CLK3: variants seen among roughly 807,000 people sequenced by gnomAD.
CLK3 encodes dual specificity protein kinase CLK3.
CLK3 carries 24 observed loss-of-function variants against 65.2 expected under a neutral mutation model. That is an observed-to-expected ratio of 0.37 (90% CI 0.27 to 0.52). The LOEUF is 0.52. Among genes scored for constraint, CLK3 ranks in the 20% least tolerant of loss-of-function variants. The probability of loss-of-function intolerance (pLI) is 0.92; values close to 1 mark genes in which losing one functional copy is unlikely to be tolerated. For missense variants in CLK3, 506 were observed against 660.0 expected (o/e 0.77, Z 2.56); for synonymous variants, 252 against 240.8 (o/e 1.05, Z -0.43).
chr15:74,623,633 G>T (rs1021719781), intron 5 of CLK3: 3 of 152,264 alleles, frequency 2.0e-5, no homozygotes, highest in African/African-American at 7.2e-5. Flanking sequence ...ACCACACCGT[G>T]GCCAGGTGGA....
At chr15:74,620,358 G>T in intron 3 of CLK3, 133 bp downstream of exon 3, 1 of 1,247,152 alleles carries the variant, frequency 8.0e-7, no homozygotes, top group Non-Finnish European at 1.1e-6. Context: ...ATGTGTGTGT[G>T]TATGTGTTGT....
chr15:74,618,232 C>T lies in CLK3; in HGVS notation c.1-965C>T, dbSNP rs1259231582. On this transcript the variant is annotated intron_variant, in intron 1 of 12. Transcript: ENST00000395066. ...CTCCATGGAGGCAGTCAGGGATTGA[C>T]GTATGGGTGGAGCAGGTTGCTGGCC... Among the ~76,000 whole-genome samples, 5 of 152,200 alleles carry T rather than the reference C, an allele frequency of 3.3e-5. No individual in the cohort carries two copies. In the South Asian group the frequency reaches 6.2e-4, roughly 19 times the overall value.
At position 74,627,662 on chromosome 15, in the gene CLK3, A is replaced by G. The variant is rs1567145286; in HGVS notation, c.1036A>G (p.Ile346Val). ...ATRHYRPPEV[I>V]LELGWAQPCD... is the part of the protein sequence containing the mutation. ...CCGTCACTATCGCCCGCCTGAGGTGATCCTTGGTGAGTGACTGTATGGCCT... is the reference window on the plus strand; with the variant it reads ...CCGTCACTATCGCCCGCCTGAGGTGGTCCTTGGTGAGTGACTGTATGGCCT... The change falls in exon 9 of 13, where the codon ATC (isoleucine) becomes GTC (valine). Residue 346 changes from isoleucine to valine, a missense_variant. Coordinates refer to ENST00000395066, the MANE Select transcript of CLK3 (RefSeq NM_001130028.2). The surrounding 1 kb of genome is among the most constrained non-coding windows in gnomAD (Gnocchi z 4.3). 6.2e-6 allele frequency: 10 copies of G among 1,613,554 alleles called. No homozygotes were observed.
chr15:74,622,189 C>A lies in CLK3; in HGVS notation c.439C>A (p.Arg147=), dbSNP rs751508782. The A allele has an allele frequency of 1.9e-5, 31 of 1,613,934 alleles. No homozygotes were observed. The highest frequency in any genetic ancestry group is 2.6e-5 in the Non-Finnish European group (31 of 1,179,838). Residue 147 remains arginine (R), a synonymous_variant, in exon 4 of 13, where the codon CGG becomes AGG. Coordinates refer to ENST00000395066, the MANE Select transcript of CLK3 (RefSeq NM_001130028.2). The surrounding 1 kb of genome is among the most constrained non-coding windows in gnomAD (Gnocchi z 4.6). The stretch of plus-strand genomic sequence containing the variant: ...TGACAAGGAGGGTCACCTGGTGTGC[C>A]GGATCGGCGATTGGCTCCAAGAGCG... ...EDDKEGHLVC[R]IGDWLQERYE...
chr15:74,627,219 G>T lies in CLK3; in HGVS notation c.818-133G>T. 1 of 770,142 alleles carries T rather than the reference G, an allele frequency of 1.3e-6. No homozygotes were observed. Among genetic ancestry groups the T allele is most frequent in the South Asian group, 1.4e-5 (1 of 69,370 alleles). 47.7% of individuals were successfully genotyped at this position (770,142 alleles called of 1,614,324 possible). On this transcript the variant is annotated intron_variant, in intron 7 of 12. Coordinates refer to ENST00000395066, the MANE Select transcript of CLK3 (RefSeq NM_001130028.2). This position sits in a 1 kb window ranked among gnomAD's most constrained non-coding sequence, Gnocchi z 4.3. ...GAGGCCAGCACAGAGGCAGGCTGTA[G>T]TCCAGCTCCCTGCTGAGGTGGGGGT...
At position 74,629,917 on chromosome 15, in the gene CLK3, C is replaced by T. The variant is rs544359753; in HGVS notation, c.*34C>T. The T allele has an allele frequency of 6.3e-5, 99 of 1,575,892 alleles. No homozygotes were observed. Among genetic ancestry groups the T allele is most frequent in the Non-Finnish European group, 6.1e-5 (71 of 1,159,980 alleles). On this transcript the variant is annotated 3_prime_UTR_variant, in exon 13 of 13. Coordinates refer to ENST00000395066, the MANE Select transcript of CLK3 (RefSeq NM_001130028.2). ...GGCCACCGCATGAGGAGATGGAGGG[C>T]GGGACTGGGCCGCCCAGCCCCTTGA...
At chr15:74,625,624 G>A (rs1015564488) in intron 6 of CLK3, among the ~76,000 whole-genome samples, 178 bp from the exon 7 acceptor site, 6 of 152,088 alleles carry the variant, frequency 3.9e-5, no homozygotes, top group Admixed American at 1.3e-4. Context: ...TCTGGGTATT[G>A]GGTGATGGCT....
rs756824850 is a variant in CLK3 at position 74,622,320 on chromosome 15, C to T, written c.466+104C>T. 14 of 1,152,038 alleles carry T rather than the reference C, an allele frequency of 1.2e-5. No homozygotes were observed. Among genetic ancestry groups the T allele is most frequent in the Admixed American group, 1.0e-4 (5 of 49,542 alleles). The allele number at this position is 1,152,038 out of a possible 1,614,324, so 71.4% of individuals were successfully genotyped here. A position where few individuals can be genotyped will look rare whatever the true frequency, so the allele number is the denominator to read the frequency against. ...GCCTCTAGTGCGCGTGGTGCCTTAG[C>T]GGGGCCACCAGTAATTGCCTGAATG... On this transcript the variant is annotated intron_variant, in intron 4 of 12. Transcript: ENST00000395066. The surrounding 1 kb of genome is among the most constrained non-coding windows in gnomAD (Gnocchi z 4.6).
chr15:74,616,711 TGCAGTGGTAGG>T (rs1242264869), intron 1 of CLK3, among the ~76,000 whole-genome samples: 1 of 152,184 alleles, frequency 6.6e-6, no homozygotes, highest in Non-Finnish European at 1.5e-5. Context: ...GGTTTGAGGT[TGCAGTGGTAGG>T]GCAGTCCAGC....
At chr15:74,620,347 C>A in intron 3 of CLK3, 122 bp downstream of exon 3, 1 of 1,342,268 alleles carries the variant, frequency 7.5e-7, no homozygotes, top group Non-Finnish European at 1.0e-6. Flanking sequence ...GGTGTGCGTG[C>A]ATGTGTGTGT....
chr15:74,629,044 G>A lies in CLK3; in HGVS notation c.1296+12G>A. 6.3e-7 allele frequency: 1 copy of A among 1,594,056 alleles called. No individual in the cohort carries two copies. Among genetic ancestry groups the A allele is most frequent in the Non-Finnish European group, 8.6e-7 (1 of 1,161,648 alleles). On this transcript the variant is annotated intron_variant, in intron 12 of 12. Transcript: ENST00000395066. ...GCAAACCTCTGAAGGTCAGTTTCTG[G>A]CTACCCCCAGCTGAACTCATGCCAA...
At chr15:74,625,262 GC>G (rs2062134753) in intron 6 of CLK3, among the ~76,000 whole-genome samples, 1 of 152,184 alleles carries the variant, frequency 6.6e-6, no homozygotes, top group African/African-American at 2.4e-5. Context: ...ACTGGGTTAT[GC>G]TGGGCATAAA....
chr15:74,626,093 G>C lies in CLK3; in HGVS notation c.817+125G>C, dbSNP rs1299426638. 3 of 1,107,316 alleles carry C rather than the reference G, an allele frequency of 2.7e-6. No homozygotes were observed. The African/African-American group carries it at 4.7e-5, about 17-fold the overall frequency. The allele number at this position is 1,107,316 out of a possible 1,614,324, so 68.6% of individuals were successfully genotyped here. ...ATTCTCCTGGGCCTGAGGGACACCA[G>C]ATCCCCTTTGGCGGAAAGGCCTGTC... is the stretch of plus-strand genomic sequence containing the variant. On this transcript the variant is annotated intron_variant, in intron 7 of 12. Transcript: ENST00000395066.
Position 74,622,642 on chromosome 15 carries a change from C to A in CLK3, c.533+82C>A. 9.1e-7 allele frequency: 1 copy of A among 1,093,138 alleles called. No homozygotes were observed. The highest frequency in any genetic ancestry group is 1.3e-6 in the Non-Finnish European group (1 of 755,184). The allele number at this position is 1,093,138 out of a possible 1,614,324, so 67.7% of individuals were successfully genotyped here. A position where few individuals can be genotyped will look rare whatever the true frequency, so the allele number is the denominator to read the frequency against. ...GGCCTGAGGTTCTTGAGGGTGGCAG[C>A]TATCAGAGCTTAACTTTTTTCTTTT... On this transcript the variant is annotated intron_variant, in intron 5 of 12. Transcript: ENST00000395066. The surrounding 1 kb of genome is among the most constrained non-coding windows in gnomAD (Gnocchi z 4.6).
rs1024751561 is a variant in CLK3 at position 74,627,894 on chromosome 15, G to A, written c.1043-76G>A. The A allele has an allele frequency of 2.1e-5, 27 of 1,281,300 alleles. No individual in the cohort carries two copies. The highest frequency in any genetic ancestry group is 3.0e-5 in the Non-Finnish European group (26 of 879,834). 79.4% of individuals were successfully genotyped at this position (1,281,300 alleles called of 1,614,324 possible). ...TTGGGCAAGAGTCCTGCCAGCCGGTGTGGTGGCTGCCTTGTGACTTCCAGG... is the reference window on the plus strand; with the variant it reads ...TTGGGCAAGAGTCCTGCCAGCCGGTATGGTGGCTGCCTTGTGACTTCCAGG... On this transcript the variant is annotated intron_variant, in intron 9 of 12. Transcript: ENST00000395066. This position sits in a 1 kb window ranked among gnomAD's most constrained non-coding sequence, Gnocchi z 4.3.
chr15:74,627,295 C>G lies in CLK3; in HGVS notation c.818-57C>G, dbSNP rs1324017531. The G allele has an allele frequency of 8.7e-6, 12 of 1,377,710 alleles. No homozygotes were observed. The highest frequency in any genetic ancestry group is 4.7e-5 in the South Asian group (4 of 85,754). 85.3% of individuals were successfully genotyped at this position (1,377,710 alleles called of 1,614,324 possible). On this transcript the variant is annotated intron_variant, in intron 7 of 12. Transcript: ENST00000395066. This position sits in a 1 kb window ranked among gnomAD's most constrained non-coding sequence, Gnocchi z 4.3. ...ATTGGAAGAGGGGTCTGGCCTAGAGCTGGCAGGAGAGCCAGCTTCTCAGTG... is the reference window on the plus strand; with the variant it reads ...ATTGGAAGAGGGGTCTGGCCTAGAGGTGGCAGGAGAGCCAGCTTCTCAGTG...
Position 74,624,962 on chromosome 15 carries a change from C to A in CLK3, c.594C>A (p.Ala198=), listed in dbSNP as rs1426333895. The change falls in exon 6 of 13, where the codon GCC becomes GCA. Residue 198 remains alanine (A), a synonymous_variant. Transcript: ENST00000395066. This position sits in a 1 kb window ranked among gnomAD's most constrained non-coding sequence, Gnocchi z 4.2. ...IRNVGKYREA[A]RLEINVLKKI... is the part of the protein sequence containing the mutation. ...ACGTGGGCAAGTACCGGGAGGCTGCCCGGCTAGAAATCAACGTGCTCAAAA... is the reference window on the plus strand; with the variant it reads ...ACGTGGGCAAGTACCGGGAGGCTGCACGGCTAGAAATCAACGTGCTCAAAA... 1 of 1,613,190 alleles carries A rather than the reference C, an allele frequency of 6.2e-7. No individual in the cohort carries two copies. Among genetic ancestry groups the A allele is most frequent in the Non-Finnish European group, 8.5e-7 (1 of 1,179,696 alleles).
At chr15:74,612,344 C>T (rs552307554), upstream of CLK3, among the ~76,000 whole-genome samples, 69 of 152,274 alleles carry the variant, frequency 4.5e-4, no homozygotes, top group African/African-American at 1.6e-3. Flanking sequence ...AATATGGAGG[C>T]CCTGACGGAC....
At position 74,615,867 on chromosome 15, in the gene CLK3, G is replaced by A. The variant is rs750713294; in HGVS notation, c.-32G>A. ...GGAAGAGGCGCTCGGAGCGGGGAGT[G>A]GGGCCTAGCTGCAGCCGGAGCCTGG... On this transcript the variant is annotated 5_prime_UTR_variant, in exon 1 of 13. Coordinates refer to ENST00000395066, the MANE Select transcript of CLK3 (RefSeq NM_001130028.2). 4 of 1,255,916 alleles carry A rather than the reference G, an allele frequency of 3.2e-6. No homozygotes were observed. The East Asian group carries it at 9.2e-5, about 29-fold the overall frequency. The allele number at this position is 1,255,916 out of a possible 1,614,324, so 77.8% of individuals were successfully genotyped here.
Sources: gnomAD v4.1 joint callset for allele counts (sites outside exome capture counted in the v4.1 genomes callset) on GRCh38, gnomAD v4.1.1 for gene constraint, Gnocchi (gnomAD v3.1) non-coding constraint, MANE v1.5 for transcripts, NCBI Gene and HGNC (gene_info 2026-07-23, HGNC 2026-07-21) for gene names.